CRB2: variants seen among roughly 807,000 people sequenced by gnomAD.
CRB2 encodes the protein crumbs cell polarity complex component 2.
CRB2 carries 85 observed loss-of-function variants against 110.9 expected under a neutral mutation model. The ratio of observed to expected loss-of-function variants is 0.77; its 90% confidence interval spans 0.64 to 0.92. The LOEUF (loss-of-function observed/expected upper bound fraction) is 0.92. Among genes scored for constraint, CRB2 ranks in the 40% least tolerant of loss-of-function variants. The pLI is 0.00. For missense variants in CRB2, 1,843 were observed against 1,851.3 expected, an observed-to-expected ratio of 1.00 and a Z score of 0.08; for synonymous variants, 907 against 831.0, an observed-to-expected ratio of 1.09 and a Z score of -1.57.
intron 1 of CRB2, among the ~76,000 whole-genome samples, chr9:123,360,302 A>AT (rs2041852889): frequency 1.3e-5 from 2 of 152,230 alleles, no homozygotes; most frequent in South Asian, 2.1e-4. Context: ...GCGTCGGTTA[A>AT]TCCCTCCCTG....
At chr9:123,367,762 G>A (rs2041959242) in intron 6 of CRB2, 76 bp downstream of exon 6, 2 of 988,454 alleles carry the variant, frequency 2.0e-6, no homozygotes, top group African/African-American at 1.6e-5. Context: ...CTGTCTGGAT[G>A]TGTGGATTGA....
chr9:123,363,461 G>A (rs985911914), intron 2 of CRB2, among the ~76,000 whole-genome samples: 1 of 152,232 alleles, frequency 6.6e-6, no homozygotes, highest in Non-Finnish European at 1.5e-5. Context: ...CAGTTTGGCT[G>A]CGGGGGTGGA....
At position 123,373,871 on chromosome 9, in the gene CRB2, G is replaced by A. The variant is rs1311452835; in HGVS notation, c.3340G>A (p.Gly1114Ser). The A allele has an allele frequency of 1.9e-6, 3 of 1,551,082 alleles. No individual in the cohort carries two copies. Among genetic ancestry groups the A allele is most frequent in the South Asian group, 1.2e-5 (1 of 84,932 alleles). The change falls in exon 10 of 13, where the codon GGC (glycine) becomes AGC (serine). Residue 1114 changes from glycine to serine, a missense_variant. Coordinates refer to ENST00000373631, the MANE Select transcript of CRB2 (RefSeq NM_173689.7). ...ARGRCHTHPD[G>S]RFECRCPPGF... ...TGGCCGCTGTCACACGCACCCCGAC[G>A]GCCGCTTCGAGTGCCGCTGCCCGCC...
chr9:123,372,052 C>A (rs1168494852), intron 8 of CRB2, 125 bp from the exon 9 acceptor site: 1 of 957,668 alleles, frequency 1.0e-6, no homozygotes, highest in Non-Finnish European at 1.6e-6. Context: ...GACTTCCTCT[C>A]CCCTCGTTTG....
At position 123,373,708 on chromosome 9, in the gene CRB2, G is replaced by A. The variant is rs2132793600; in HGVS notation, c.3177G>A (p.Val1059=). ...APILGCRGAP[V]CAPSPCLHDG... is the part of the protein sequence containing the mutation. ...TCCTCGGCTGCCGCGGCGCGCCCGT[G>A]TGTGCGCCCTCGCCCTGTCTGCACG... is the stretch of plus-strand genomic sequence containing the variant. The change falls in exon 10 of 13, where the codon GTG becomes GTA. Residue 1059 remains valine, a synonymous_variant. Coordinates refer to ENST00000373631, the MANE Select transcript of CRB2 (RefSeq NM_173689.7). 2 of 1,518,938 alleles carry A rather than the reference G, an allele frequency of 1.3e-6. No individual in the cohort carries two copies. Among genetic ancestry groups the A allele is most frequent in the Admixed American group, 2.1e-5 (1 of 47,614 alleles). 94.1% of individuals were successfully genotyped at this position (1,518,938 alleles called of 1,614,324 possible). A position where few individuals can be genotyped will look rare whatever the true frequency, so the allele number is the denominator to read the frequency against.
In CRB2 at chr9:123,366,108, A is replaced by G. The variant is rs1428762058; in HGVS notation, c.610A>G (p.Asn204Asp). The G allele has an allele frequency of 1.4e-6, 2 of 1,471,104 alleles. No individual in the cohort carries two copies. Among genetic ancestry groups the G allele is most frequent in the Non-Finnish European group, 1.8e-6 (2 of 1,117,990 alleles). 91.1% of individuals were successfully genotyped at this position (1,471,104 alleles called of 1,614,324 possible). A position where few individuals can be genotyped will look rare whatever the true frequency, so the allele number is the denominator to read the frequency against. Residue 204 changes from asparagine to aspartate, a missense_variant, in exon 3 of 13, where the codon AAC becomes GAC. Transcript: ENST00000373631. ...TGGGGGCACGTGCCACGACCTGGTC[A>G]ACGGGTGAGCGAGCGGCGGGGCAGG... ...AHGGTCHDLV[N>D]GFRCDCAGTG...
rs1318475693 is a variant in CRB2 at position 123,373,581 on chromosome 9, T to G, written c.3050T>G (p.Val1017Gly). 3 of 1,452,794 alleles carry G rather than the reference T, an allele frequency of 2.1e-6. No homozygotes were observed. Among genetic ancestry groups the G allele is most frequent in the South Asian group, 2.7e-5 (2 of 72,742 alleles). 90.0% of individuals were successfully genotyped at this position (1,452,794 alleles called of 1,614,324 possible). ...AACTTCACCGGCTGCTTGGGCCGCGTGGCGCTGGGCGGCCTGCCCCTGCCC... is the reference window on the plus strand; with the variant it reads ...AACTTCACCGGCTGCTTGGGCCGCGGGGCGCTGGGCGGCCTGCCCCTGCCC... ...AENFTGCLGR[V>G]ALGGLPLPLA... Residue 1017 changes from valine to glycine, a missense_variant, in exon 10 of 13, where the codon GTG becomes GGG. Physicochemically the swap from Val to Gly is moderately radical, Grantham distance 109 (BLOSUM62 -3). Transcript: ENST00000373631.
chr9:123,367,908 G>A (rs1046359707), intron 6 of CRB2, among the ~76,000 whole-genome samples: 5 of 152,138 alleles, frequency 3.3e-5, no homozygotes, highest in Middle Eastern at 3.2e-3. Context: ...ATAGTGGGCT[G>A]AGGTTGTCTG....
Position 123,366,069 on chromosome 9 carries a change from C to T in CRB2, c.571C>T (p.Gln191Ter). The change falls in exon 3 of 13, where the codon CAG becomes TAG. Residue 191 changes from glutamine (Q) to a stop codon, truncating the protein, a stop_gained. Transcript: ENST00000373631. LOFTEE classifies it high-confidence loss of function. Reference protein sequence around the residue: ...CQLDLDECQSQPCAHGGTCHD... With the variant: ...CQLDLDECQS ...GCTGGACCTCGACGAGTGCCAGAGC[C>T]AGCCGTGCGCACATGGGGGCACGTG... 6.4e-7 allele frequency: 1 copy of T among 1,563,548 alleles called. No individual in the cohort carries two copies. Among genetic ancestry groups the T allele is most frequent in the Non-Finnish European group, 8.6e-7 (1 of 1,162,418 alleles).
chr9:123,374,644 G>A lies in CRB2; in HGVS notation c.3455G>A (p.Gly1152Asp), dbSNP rs756719387. ...VTCLDGSPCEGGSPAANCSCL... is the reference protein window; with the variant it reads ...VTCLDGSPCEDGSPAANCSCL... ...TGCCTCGATGGCAGCCCATGTGAGG[G>A]TGGCTCTCCCGCTGCCAACTGCAGC... Residue 1152 changes from glycine (G) to aspartate (D), a missense_variant, in exon 11 of 13, where the codon GGT becomes GAT. Transcript: ENST00000373631. 6.2e-7 allele frequency: 1 copy of A among 1,613,200 alleles called. No individual in the cohort carries two copies. Among genetic ancestry groups the A allele is most frequent in the Non-Finnish European group, 8.5e-7 (1 of 1,179,978 alleles).
intron 4 of CRB2, among the ~76,000 whole-genome samples, chr9:123,366,909 C>A (rs2041940216): frequency 6.8e-6 from 1 of 148,106 alleles, no homozygotes; most frequent in East Asian, 2.0e-4. Flanking sequence ...CATGCCGCTG[C>A]ACTCCAGCCT....
intron 1 of CRB2, among the ~76,000 whole-genome samples, chr9:123,361,132 C>CGGGGGGGGG (rs201939429): frequency 1.5e-5 from 1 of 66,006 alleles, no homozygotes; most frequent in African/African-American, 4.4e-5. Flanking sequence ...ATTGGATGGG[C>CGGGGGGGGG]GGGGAGGGGG....
rs1158395546 is a variant in CRB2 at position 123,377,001 on chromosome 9, C to G, written c.3797C>G (p.Ala1266Gly). 1.2e-6 allele frequency: 2 copies of G among 1,609,220 alleles called. No individual in the cohort carries two copies. Among genetic ancestry groups the G allele is most frequent in the South Asian group, 1.1e-5 (1 of 89,962 alleles). Residue 1266 changes from alanine (A) to glycine (G), a missense_variant, in exon 13 of 13, where the codon GCT becomes GGT. Physicochemically the swap from Ala to Gly is moderately conservative, Grantham distance 60 (BLOSUM62 0). Coordinates refer to ENST00000373631, the MANE Select transcript of CRB2 (RefSeq NM_173689.7). The part of the protein sequence containing the change: ...GTYSPSQQEV[A>G]GARLEMDSVL... ...TACAGCCCAAGCCAGCAGGAGGTGGCTGGGGCCCGGCTGGAGATGGACAGT... is the reference window on the plus strand; with the variant it reads ...TACAGCCCAAGCCAGCAGGAGGTGGGTGGGGCCCGGCTGGAGATGGACAGT...
chr9:123,363,050 T>G lies in CRB2; in HGVS notation c.280T>G (p.Cys94Gly). The stretch of plus-strand genomic sequence containing the variant: ...GGGTCCAGATCCCACCGGCTTCCGC[T>G]GCTACTGCGTGCCGGGTTTCCAGGG... Reference protein sequence around the residue: ...PQGPDPTGFRCYCVPGFQGPR... With the variant: ...PQGPDPTGFRGYCVPGFQGPR... Residue 94 changes from cysteine to glycine, a missense_variant, in exon 2 of 13, where the codon TGC becomes GGC. Coordinates refer to ENST00000373631, the MANE Select transcript of CRB2 (RefSeq NM_173689.7). The G allele has an allele frequency of 6.2e-7, 1 of 1,611,924 alleles. No individual in the cohort carries two copies. The highest frequency in any genetic ancestry group is 8.5e-7 in the Non-Finnish European group (1 of 1,179,906).
Position 123,366,575 on chromosome 9 carries a change from G to A in CRB2, c.754+209G>A, listed in dbSNP as rs146684461. Among the ~76,000 whole-genome samples, 464 of 152,338 alleles carry A rather than the reference G, an allele frequency of 3.0e-3. 5 individuals carry two copies. The highest frequency in any genetic ancestry group is 0.011 in the African/African-American group (437 of 41,582). On this transcript the variant is annotated intron_variant, in intron 4 of 12. Coordinates refer to ENST00000373631, the MANE Select transcript of CRB2 (RefSeq NM_173689.7). ...TAGCGCCTGCTCCTGGGGTTGCTGC[G>A]GGGAGCTCGAAGGTGCGACGCCTGG...
intron 6 of CRB2, 103 bp from the exon 7 acceptor site, chr9:123,370,005 G>A: frequency 7.4e-7 from 1 of 1,359,708 alleles, no homozygotes; most frequent in Non-Finnish European, 1.0e-6. Flanking sequence ...TGGTTTGGCT[G>A]ATAGGTACTG....
chr9:123,368,782 C>A, intron 6 of CRB2: 1 of 1,171,708 alleles, frequency 8.5e-7, no homozygotes, highest in Admixed American at 3.5e-5. Flanking sequence ...GCCTGGCATT[C>A]CTGAGCAGGC....
rs200085604 is a variant in CRB2 at position 123,361,134 on chromosome 9, G to GGGGC, written c.95-1729_95-1728insGCGG. Among the ~76,000 whole-genome samples, 435 of 77,758 alleles carry GGGGC rather than the reference G, an allele frequency of 5.6e-3. 15 individuals are homozygous for GGGGC. Among genetic ancestry groups the GGGGC allele is most frequent in the Non-Finnish European group, 0.012 (295 of 24,062 alleles). 51.0% of individuals were successfully genotyped at this position (77,758 alleles called of 152,430 possible). A position where few individuals can be genotyped will look rare whatever the true frequency, so the allele number is the denominator to read the frequency against. On this transcript the variant is annotated intron_variant, in intron 1 of 12. Transcript: ENST00000373631. ...GGCAAAGCTTCAGATTGGATGGGCG[G>GGGGC]GGAGGGGGGGGGGTTCCTTGCACTG...
chr9:123,361,909 G>T (rs974854496), intron 1 of CRB2, among the ~76,000 whole-genome samples: 8 of 152,298 alleles, frequency 5.3e-5, no homozygotes, highest in Admixed American at 5.2e-4. Context: ...TCTCAGGAAG[G>T]CAGGAGGAGA....
Sources: allele counts gnomAD v4.1 joint callset (sites outside exome capture counted in the v4.1 genomes callset), GRCh38; gene constraint gnomAD v4.1.1; transcripts MANE v1.5; gene names NCBI Gene and HGNC (gene_info 2026-07-23, HGNC 2026-07-21).